The following THG1L variants were observed in gnomAD, a reference collection of about 807,000 sequenced individuals.
THG1L encodes the protein tRNA-histidine guanylyltransferase 1 like.
Under a neutral mutation model 35.2 loss-of-function variants are expected in THG1L, and 27 were observed. The observed-to-expected ratio is 0.77, with a 90% CI of 0.57 to 1.06. The LOEUF (loss-of-function observed/expected upper bound fraction) is 1.06. Ranked by LOEUF, THG1L falls within the 50% of genes least tolerant of loss-of-function variation. The probability of loss-of-function intolerance (pLI) is 0.00; values close to 1 mark genes in which losing one functional copy is unlikely to be tolerated. For synonymous variants in THG1L, 135 were observed against 132.4 expected (o/e 1.02, Z -0.14); for missense variants, 377 against 371.8 (o/e 1.01, Z -0.12).
Position 157,739,398 on chromosome 5 carries a change from G to A in THG1L, c.813G>A (p.Arg271=). Residue 271 remains arginine, a synonymous_variant, in exon 6 of 6, where the codon AGG becomes AGA. Coordinates refer to ENST00000231198, the MANE Select transcript of THG1L (RefSeq NM_017872.5). ...AAAAGATGGCAGTGACCCGGACCAG[G>A]ACAAAGCCAGTGCCCTTGCACTGCG... is the stretch of plus-strand genomic sequence containing the variant. ...EGKKMAVTRT[R]TKPVPLHCDI... is the part of the protein sequence containing the mutation. 2 of 1,613,958 alleles carry A rather than the reference G, an allele frequency of 1.2e-6. No individual in the cohort carries two copies. The highest frequency in any genetic ancestry group is 1.7e-6 in the Non-Finnish European group (2 of 1,179,926).
intron 4 of THG1L, among the ~76,000 whole-genome samples, chr5:157,736,231 A>G (rs914883873): frequency 1.3e-4 from 19 of 149,444 alleles, no homozygotes; most frequent in Admixed American, 6.7e-5. Context: ...ACTGTGTATG[A>G]CTGCCGTCTT....
At chr5:157,731,736 T>G (rs1581436518) in intron 1 of THG1L, 105 bp downstream of exon 1, 62 of 1,408,380 alleles carry the variant, frequency 4.4e-5, no homozygotes, top group South Asian at 5.5e-5. Context: ...GTTACCAGGG[T>G]AACGCGGTAG....
intron 5 of THG1L, chr5:157,738,735 G>A: frequency 2.7e-6 from 1 of 364,702 alleles, no homozygotes; most frequent in African/African-American, 2.2e-5. Context: ...CAGGTGGAAG[G>A]TAAGAAATAC....
At chr5:157,733,129 C>A in intron 2 of THG1L, 85 bp downstream of exon 2, 4 of 1,497,588 alleles carry the variant, frequency 2.7e-6, no homozygotes, top group Admixed American at 1.8e-5. Context: ...GACTTACAGG[C>A]TACAGATGAT....
At chr5:157,732,215 C>CAAAAAAA (rs34744387) in intron 1 of THG1L, among the ~76,000 whole-genome samples, 80 of 53,872 alleles carry the variant, frequency 1.5e-3, no homozygotes, top group African/African-American at 3.7e-3. Flanking sequence ...TCCGCCACTA[C>CAAAAAAA]AAAAAAAAAA....
At position 157,734,706 on chromosome 5, in the gene THG1L, CAGACTTTAA is replaced by C; in HGVS notation, c.502_510del (p.Thr168_Lys170del). On this transcript the variant is annotated inframe_deletion, in exon 3 of 6. Transcript: ENST00000231198. Reference sequence around the variant, plus strand: ...AAGAGTCGTGGTGTATCCCAGCAACCAGACTTTAAAGGACTACCTCAGCTGGCGACAAGC... The same window carrying C: ...AAGAGTCGTGGTGTATCCCAGCAACCAGGACTACCTCAGCTGGCGACAAGC... 9 of 1,614,094 alleles carry C rather than the reference CAGACTTTAA, an allele frequency of 5.6e-6. No homozygotes were observed. The highest frequency in any genetic ancestry group is 7.6e-6 in the Non-Finnish European group (9 of 1,180,030).
Position 157,739,314 on chromosome 5 carries a change from C to T in THG1L, c.736-7C>T, listed in dbSNP as rs1368730403. The T allele has an allele frequency of 6.2e-7, 1 of 1,612,166 alleles. No homozygotes were observed. Among genetic ancestry groups the T allele is most frequent in the Non-Finnish European group, 8.5e-7 (1 of 1,179,252 alleles). On this transcript the variant is annotated splice_region_variant and splice_polypyrimidine_tract_variant and intron_variant, in intron 5 of 5. Coordinates refer to ENST00000231198, the MANE Select transcript of THG1L (RefSeq NM_017872.5). ...TAACAATGTCACTACTTTATTTTTA[C>T]CTGTAGGTGGATGAAGTGATGACAA...
chr5:157,739,287 C>T (rs764268866), intron 5 of THG1L, 34 bp from the exon 6 acceptor site: 2 of 1,602,692 alleles, frequency 1.2e-6, no homozygotes, highest in South Asian at 2.2e-5. Flanking sequence ...CCACTCCTGA[C>T]TTAACAATGT....
Position 157,740,902 on chromosome 5 carries a change from C to G in THG1L, c.*1420C>G, listed in dbSNP as rs535953120. ...CTGGGCAACGAGCGAAACTACATCT[C>G]AAAAAAAAAAAAAAAAGACATGGCT... On this transcript the variant is annotated 3_prime_UTR_variant, in exon 6 of 6. Coordinates refer to ENST00000231198, the MANE Select transcript of THG1L (RefSeq NM_017872.5). The G allele has an allele frequency of 2.3e-4, 27 of 116,600 alleles. No homozygotes were observed. The highest frequency in any genetic ancestry group is 8.2e-4 in the African/African-American group (25 of 30,308). The allele number at this position is 116,600 out of a possible 1,614,324, so 7.2% of individuals were successfully genotyped here. A position where few individuals can be genotyped will look rare whatever the true frequency, so the allele number is the denominator to read the frequency against.
At chr5:157,734,393 A>C (rs1231812045) in intron 2 of THG1L, among the ~76,000 whole-genome samples, 183 bp from the exon 3 acceptor site, 1 of 152,202 alleles carries the variant, frequency 6.6e-6, no homozygotes, top group Non-Finnish European at 1.5e-5. Flanking sequence ...GTCCTAAAAA[A>C]AGAAAAAAAA....
chr5:157,736,332 C>T (rs544071413), intron 4 of THG1L, among the ~76,000 whole-genome samples: 1 of 152,170 alleles, frequency 6.6e-6, no homozygotes, highest in South Asian at 2.1e-4. Flanking sequence ...TGATTGCAAC[C>T]TCCACCTCCT....
At chr5:157,735,783 G>T in intron 3 of THG1L, 63 bp from the exon 4 acceptor site, 2 of 1,163,520 alleles carry the variant, frequency 1.7e-6, no homozygotes, top group Admixed American at 2.1e-5. Context: ...AGTATTCCTT[G>T]AAGAATGAAT....
chr5:157,733,234 A>T (rs1269348498), intron 2 of THG1L, among the ~76,000 whole-genome samples, 190 bp downstream of exon 2: 1 of 152,134 alleles, frequency 6.6e-6, no homozygotes, highest in African/African-American at 2.4e-5. Flanking sequence ...TGCCTCTTTT[A>T]TCTGATTCTT....
At position 157,739,568 on chromosome 5, in the gene THG1L, C is replaced by G; in HGVS notation, c.*86C>G. 6.7e-7 allele frequency: 1 copy of G among 1,482,494 alleles called. No individual in the cohort carries two copies. Among genetic ancestry groups the G allele is most frequent in the Non-Finnish European group, 9.1e-7 (1 of 1,102,714 alleles). The allele number at this position is 1,482,494 out of a possible 1,614,324, so 91.8% of individuals were successfully genotyped here. Reference sequence around the variant, plus strand: ...CCTTGCCTTAGGTGGCTGTAGCATCCCTACCACCCAGGACACTGGTGCGAA... The same window carrying G: ...CCTTGCCTTAGGTGGCTGTAGCATCGCTACCACCCAGGACACTGGTGCGAA... On this transcript the variant is annotated 3_prime_UTR_variant, in exon 6 of 6. Coordinates refer to ENST00000231198, the MANE Select transcript of THG1L (RefSeq NM_017872.5).
chr5:157,740,438 G>T lies in THG1L; in HGVS notation c.*956G>T, dbSNP rs1040033662. 6.6e-6 allele frequency: 1 copy of T among 152,270 alleles called. No individual in the cohort carries two copies. The highest frequency in any genetic ancestry group is 1.9e-4 in the East Asian group (1 of 5,192). 9.4% of individuals were successfully genotyped at this position (152,270 alleles called of 1,614,324 possible). ...CATAATATTAATAGCGCCACCTTCT[G>T]TTGGGTCAGTGGAGATGGGTGAGGA... On this transcript the variant is annotated 3_prime_UTR_variant, in exon 6 of 6. Coordinates refer to ENST00000231198, the MANE Select transcript of THG1L (RefSeq NM_017872.5).
Position 157,741,215 on chromosome 5 carries a change from T to A in THG1L, c.*1733T>A. ...AGCAAAACTGCCTTAAAAAAAAAAA[T>A]TAAGAGACAGCCCGTGTCCCAGTCC... On this transcript the variant is annotated 3_prime_UTR_variant, in exon 6 of 6. Coordinates refer to ENST00000231198, the MANE Select transcript of THG1L (RefSeq NM_017872.5). 1 of 151,948 alleles carries A rather than the reference T, an allele frequency of 6.6e-6. No homozygotes were observed. The highest frequency in any genetic ancestry group is 1.5e-5 in the Non-Finnish European group (1 of 67,972). 9.4% of individuals were successfully genotyped at this position (151,948 alleles called of 1,614,324 possible).
At chr5:157,737,817 C>A in intron 4 of THG1L, 70 bp from the exon 5 acceptor site, 1 of 1,221,734 alleles carries the variant, frequency 8.2e-7, no homozygotes, top group Non-Finnish European at 1.2e-6. Flanking sequence ...GGTTGTGGGT[C>A]GAATGGATAG....
intron 1 of THG1L, 49 bp downstream of exon 1, chr5:157,731,680 A>T (rs1396421783): frequency 1.2e-5 from 19 of 1,555,336 alleles, no homozygotes; most frequent in Non-Finnish European, 1.5e-5. Context: ...GCTTCCGGGG[A>T]ATCCAGCTTC....
chr5:157,733,184 T>G, intron 2 of THG1L, 140 bp downstream of exon 2: 1 of 975,258 alleles, frequency 1.0e-6, no homozygotes. Context: ...ATTTCCTGTT[T>G]AGATTGTTGT....
Sources: gnomAD v4.1 joint callset for allele counts (sites outside exome capture counted in the v4.1 genomes callset) on GRCh38, gnomAD v4.1.1 for gene constraint, MANE v1.5 for transcripts, NCBI Gene and HGNC (gene_info 2026-07-23, HGNC 2026-07-21) for gene names.